The following DMD variants were observed in gnomAD, a reference collection of about 807,000 sequenced individuals.
DMD encodes the protein dystrophin.
Under a neutral mutation model 330.1 loss-of-function variants are expected in DMD, and 63 were observed. The ratio of observed to expected loss-of-function variants is 0.19; its 90% CI spans 0.16 to 0.24. The LOEUF is 0.24. Among genes scored for constraint, DMD ranks in the 10% least tolerant of loss-of-function variants. DMD has a pLI of 1.00. For missense variants in DMD, 3,344 were observed against 2,684.1 expected (o/e 1.25, Z -5.43); for synonymous variants, 1,223 against 959.8 (o/e 1.27, Z -5.07).
intron 4 of DMD, among the ~76,000 whole-genome samples, chrX:32,827,695 T>C (rs1569529907): frequency 9.4e-6 from 1 of 106,645 alleles, no homozygotes; most frequent in East Asian, 2.9e-4. Context: ...AGTTTCGCTC[T>C]TGTTGCCCAG....
At chrX:32,716,800 C>A (rs2065781411) in intron 7 of DMD, among the ~76,000 whole-genome samples, 1 of 111,144 alleles carries the variant, frequency 9.0e-6, no homozygotes, top group Non-Finnish European at 1.9e-5. Flanking sequence ...TTGGGAACTG[C>A]AATAAAGGTC....
intron 1 of DMD, among the ~76,000 whole-genome samples, chrX:33,335,277 C>T (rs1221487275): frequency 9.3e-6 from 1 of 108,045 alleles, no homozygotes; most frequent in East Asian, 2.9e-4. Context: ...CATATATATA[C>T]ACACACACAC....
chrX:33,321,415 C>T (rs1416465906), intron 1 of DMD, among the ~76,000 whole-genome samples: 1 of 101,915 alleles, frequency 9.8e-6, no homozygotes, highest in Non-Finnish European at 2.0e-5. Flanking sequence ...TATTAATGAG[C>T]AGTAATATTT....
chrX:31,653,820 A>C (rs1444468042), intron 54 of DMD, among the ~76,000 whole-genome samples: 1 of 111,631 alleles, frequency 9.0e-6, no homozygotes, highest in Non-Finnish European at 1.9e-5. Flanking sequence ...TTTATATGTT[A>C]TCATGGACTC....
intron 47 of DMD, among the ~76,000 whole-genome samples, chrX:31,883,192 T>G (rs1238760610): frequency 8.9e-6 from 1 of 111,742 alleles, no homozygotes; most frequent in Non-Finnish European, 1.9e-5. Context: ...AAAATAATGT[T>G]GAGCAGGACA....
At position 32,584,254 on chromosome X, in the gene DMD, G is replaced by A. The variant is rs147681300; in HGVS notation, c.1603-10408C>T. Among the ~76,000 whole-genome samples, 610 of 111,209 alleles carry A rather than the reference G, an allele frequency of 5.5e-3. 7 individuals are homozygous for A. Among genetic ancestry groups the A allele is most frequent in the African/African-American group, 0.019 (578 of 30,655 alleles). ...ATGACATTATAAAGTCACCAGAAAG[G>A]CTCAAATTAAAAAGTTTAACAAACA... is the stretch of plus-strand genomic sequence containing the variant. On this transcript the variant is annotated intron_variant, in intron 13 of 78. Coordinates refer to ENST00000357033, the MANE Select transcript of DMD (RefSeq NM_004006.3).
At chrX:32,343,993 T>C (rs754919888) in intron 39 of DMD, among the ~76,000 whole-genome samples, 12 of 111,738 alleles carry the variant, frequency 1.1e-4, no homozygotes, top group Admixed American at 2.9e-4. Flanking sequence ...TGCAAAACAA[T>C]TAACTATTTG....
chrX:32,250,429 TTC>T (rs2097259005), intron 43 of DMD, among the ~76,000 whole-genome samples: 2 of 112,155 alleles, frequency 1.8e-5, no homozygotes, highest in South Asian at 3.7e-4. Context: ...AAGCAATATT[TTC>T]TCTCTTTTCT....
intron 43 of DMD, among the ~76,000 whole-genome samples, chrX:32,245,217 G>A (rs1409814494): frequency 1.1e-5 from 1 of 95,109 alleles, no homozygotes; most frequent in Non-Finnish European, 2.0e-5. Flanking sequence ...ATTAAATAGG[G>A]AATCCTTTCC....
intron 7 of DMD, among the ~76,000 whole-genome samples, chrX:32,785,264 C>G (rs2075251505): frequency 9.1e-6 from 1 of 109,587 alleles, no homozygotes; most frequent in Non-Finnish European, 1.9e-5. Flanking sequence ...GACACATTAG[C>G]TAAAACAATA....
chrX:32,585,699 C>CAAAAAAAAA lies in DMD; in HGVS notation c.1602+10049_1602+10057dup, dbSNP rs61394183. Among the ~76,000 whole-genome samples, 226 of 31,939 alleles carry CAAAAAAAAA rather than the reference C, an allele frequency of 7.1e-3. 16 individuals carry two copies. The highest frequency in any genetic ancestry group is 0.011 in the South Asian group (2 of 181). The allele number at this position is 31,939 out of a possible 115,157, so 27.7% of individuals were successfully genotyped here. On this transcript the variant is annotated intron_variant, in intron 13 of 78. Coordinates refer to ENST00000357033, the MANE Select transcript of DMD (RefSeq NM_004006.3). ...TGGGTGACAGAGCAGGACTCCGTCT[C>CAAAAAAAAA]AAAAAAAAAAAAAAAAAAAAAAAAA...
Position 31,393,498 on chromosome X carries a change from A to C in DMD, c.9085-44864T>G, listed in dbSNP as rs1186233613. ...TCTCAAAAAAAAAAAAAAACAAAAA[A>C]AAAAAACAAACCCAACTTTTTCTTA... On this transcript the variant is annotated intron_variant, in intron 60 of 78. Coordinates refer to ENST00000357033, the MANE Select transcript of DMD (RefSeq NM_004006.3). Among the ~76,000 whole-genome samples, 12 of 97,191 alleles carry C rather than the reference A, an allele frequency of 1.2e-4. No homozygotes were observed. In the Admixed American group the frequency reaches 1.2e-3, roughly 10 times the overall value. The allele number at this position is 97,191 out of a possible 115,157, so 84.4% of individuals were successfully genotyped here.
chrX:32,712,705 GTTA>G (rs904544877), intron 7 of DMD, among the ~76,000 whole-genome samples: 2 of 110,999 alleles, frequency 1.8e-5, no homozygotes, highest in Non-Finnish European at 3.8e-5. Flanking sequence ...TCATACTGAG[GTTA>G]TTGATTTTTT....
chrX:32,558,223 T>TA (rs2050547353), intron 16 of DMD, among the ~76,000 whole-genome samples: 1 of 111,530 alleles, frequency 9.0e-6, no homozygotes, highest in Non-Finnish European at 1.9e-5. Context: ...GGATTCATAT[T>TA]AAATACGGAA....
Position 32,768,057 on chromosome X carries a change from A to T in DMD, c.649+41436T>A, listed in dbSNP as rs1370246749. ...GTTTCAACTAAAAATATTCTGTCAA[A>T]GTCAATTTACATAATGGTGAGATTA... is the stretch of plus-strand genomic sequence containing the variant. On this transcript the variant is annotated intron_variant, in intron 7 of 78. Coordinates refer to ENST00000357033, the MANE Select transcript of DMD (RefSeq NM_004006.3). Among the ~76,000 whole-genome samples, 3 of 112,327 alleles carry T rather than the reference A, an allele frequency of 2.7e-5. No individual in the cohort carries two copies. In the East Asian group the frequency reaches 8.4e-4, roughly 31 times the overall value.
chrX:31,370,689 C>G (rs1174087469), intron 60 of DMD, among the ~76,000 whole-genome samples: 2 of 112,084 alleles, frequency 1.8e-5, no homozygotes, highest in East Asian at 2.8e-4. Context: ...CAGCATTTAT[C>G]TCAGGGAAAT....
At chrX:32,273,059 C>A (rs1035703271) in intron 43 of DMD, among the ~76,000 whole-genome samples, 5 of 111,217 alleles carry the variant, frequency 4.5e-5, no homozygotes, top group African/African-American at 1.6e-4. Flanking sequence ...CTAAGTCAGA[C>A]AAAAGTTGAT....
At chrX:32,086,817 A>C (rs946837158) in intron 44 of DMD, among the ~76,000 whole-genome samples, 5 of 111,777 alleles carry the variant, frequency 4.5e-5, no homozygotes, top group African/African-American at 1.6e-4. Flanking sequence ...AGGTAAATAG[A>C]ACAAAAAAAG....
chrX:32,416,063 G>T (rs2147977740), intron 29 of DMD, among the ~76,000 whole-genome samples: 1 of 111,838 alleles, frequency 8.9e-6, no homozygotes, highest in South Asian at 3.6e-4. Context: ...AAATCAAAGT[G>T]TAGCATGTCT....
Sources: gnomAD v4.1 joint callset for allele counts (sites outside exome capture counted in the v4.1 genomes callset) on GRCh38, gnomAD v4.1.1 for gene constraint, MANE v1.5 for transcripts, NCBI Gene and HGNC (gene_info 2026-07-23, HGNC 2026-07-21) for gene names.